GALNT17: variants seen among roughly 807,000 people sequenced by gnomAD.
The protein encoded by GALNT17 is polypeptide N-acetylgalactosaminyltransferase 17.
GALNT17 carries 29 observed loss-of-function variants against 63.7 expected under a neutral mutation model. The observed-to-expected ratio is 0.46, with a 90% confidence interval of 0.34 to 0.62. GALNT17 has a LOEUF of 0.62. Ranked by LOEUF, GALNT17 falls within the 20% of genes least tolerant of loss-of-function variation. The pLI is 0.01. For synonymous variants in GALNT17, 305 were observed against 318.3 expected, an observed-to-expected ratio of 0.96 and a Z score of 0.45; for missense variants, 603 against 799.6, an observed-to-expected ratio of 0.75 and a Z score of 2.97.
At chr7:71,330,021 A>G (rs1286649825) in intron 1 of GALNT17, among the ~76,000 whole-genome samples, 1 of 149,306 alleles carries the variant, frequency 6.7e-6, no homozygotes, top group Non-Finnish European at 1.5e-5. Flanking sequence ...ATATACATGT[A>G]TATATATTTG....
At chr7:71,418,614 A>AC (rs1563078018) in intron 4 of GALNT17, among the ~76,000 whole-genome samples, 1 of 152,194 alleles carries the variant, frequency 6.6e-6, no homozygotes, top group Non-Finnish European at 1.5e-5. Context: ...CATTTTGCTC[A>AC]CATCCCATTG....
intron 3 of GALNT17, among the ~76,000 whole-genome samples, chr7:71,410,842 G>C (rs572122270): frequency 2.6e-5 from 4 of 152,226 alleles, no homozygotes; most frequent in African/African-American, 9.6e-5. Context: ...GGCAGTGTTC[G>C]CTTCTCCCCC....
At chr7:71,153,950 AAAAT>A (rs200878758) in intron 1 of GALNT17, among the ~76,000 whole-genome samples, 9,812 of 138,734 alleles carry the variant, frequency 0.071, 435 homozygotes, top group Middle Eastern at 0.12. Context: ...AAAAAATAAA[AAAAT>A]AAAAATGTAT....
intron 5 of GALNT17, among the ~76,000 whole-genome samples, chr7:71,430,725 A>G (rs1170248210): frequency 6.6e-6 from 1 of 152,216 alleles, no homozygotes; most frequent in Non-Finnish European, 1.5e-5. Flanking sequence ...CCTTGGATAT[A>G]TAGTTGCCGG....
At chr7:71,613,489 A>T (rs562426925) in intron 6 of GALNT17, among the ~76,000 whole-genome samples, 1 of 152,312 alleles carries the variant, frequency 6.6e-6, no homozygotes, top group South Asian at 2.1e-4. Flanking sequence ...GTCACTCTGC[A>T]GACGTTTCAG....
intron 2 of GALNT17, among the ~76,000 whole-genome samples, chr7:71,371,709 A>G (rs1395077614): frequency 6.6e-6 from 1 of 152,216 alleles, no homozygotes; most frequent in South Asian, 2.1e-4. Flanking sequence ...TATTTTCCCT[A>G]TATTTATAAT....
At chr7:71,179,726 C>T (rs1230251050) in intron 1 of GALNT17, among the ~76,000 whole-genome samples, 1 of 152,094 alleles carries the variant, frequency 6.6e-6, no homozygotes, top group Non-Finnish European at 1.5e-5. Context: ...TCTTCTAGCC[C>T]CCAAGTTTTT....
At chr7:71,167,559 T>C (rs1389236441) in intron 1 of GALNT17, among the ~76,000 whole-genome samples, 1 of 152,246 alleles carries the variant, frequency 6.6e-6, no homozygotes, top group African/African-American at 2.4e-5. Context: ...TCTTATTCTC[T>C]TAATAGTGCC....
At chr7:71,433,032 A>T (rs1398262815) in intron 5 of GALNT17, among the ~76,000 whole-genome samples, 1 of 152,142 alleles carries the variant, frequency 6.6e-6, no homozygotes, top group East Asian at 1.9e-4. Flanking sequence ...GCTGGTCTCC[A>T]CACCTCAGGT....
intron 6 of GALNT17, among the ~76,000 whole-genome samples, chr7:71,620,213 G>C (rs1790270852): frequency 1.3e-5 from 2 of 152,124 alleles, no homozygotes; most frequent in African/African-American, 2.4e-5. Flanking sequence ...GAGGACTTTT[G>C]CGTCTGTGTT....
chr7:71,199,703 AT>A (rs879820050), intron 1 of GALNT17, among the ~76,000 whole-genome samples: 10,594 of 138,184 alleles, frequency 0.077, 774 homozygotes, highest in African/African-American at 0.2. Context: ...CCATCCATCC[AT>A]CCATCCATGT....
intron 5 of GALNT17, among the ~76,000 whole-genome samples, chr7:71,451,283 G>A (rs1787258929): frequency 1.3e-5 from 2 of 152,190 alleles, no homozygotes; most frequent in African/African-American, 4.8e-5. Flanking sequence ...TGGGTCTAAT[G>A]TCTTTCTGGA....
At chr7:71,186,376 A>C (rs2116326901) in intron 1 of GALNT17, among the ~76,000 whole-genome samples, 1 of 152,290 alleles carries the variant, frequency 6.6e-6, no homozygotes, top group South Asian at 2.1e-4. Context: ...TTAGTGTACA[A>C]GAGAGTGTGG....
rs542769381 is a variant in GALNT17 at position 71,366,741 on chromosome 7, C to T, written c.423-21494C>T. 4.9e-4 allele frequency among the ~76,000 whole-genome samples: 75 copies of T among 152,226 alleles called. No individual in the cohort carries two copies. In the Middle Eastern group the frequency reaches 0.01, roughly 21 times the overall value. On this transcript the variant is annotated intron_variant, in intron 2 of 10. Coordinates refer to ENST00000333538, the MANE Select transcript of GALNT17 (RefSeq NM_022479.3). Reference sequence around the variant, plus strand: ...CATTTTTAATCTTGAAAGATTCTGCCGACTTGCTCTCTAAAGGACTCTGCC... The same window carrying T: ...CATTTTTAATCTTGAAAGATTCTGCTGACTTGCTCTCTAAAGGACTCTGCC...
chr7:71,368,369 C>T (rs1198120278), intron 2 of GALNT17, among the ~76,000 whole-genome samples: 1 of 152,134 alleles, frequency 6.6e-6, no homozygotes, highest in African/African-American at 2.4e-5. Flanking sequence ...GTACATTGTA[C>T]ATTTTCTCTC....
intron 6 of GALNT17, among the ~76,000 whole-genome samples, chr7:71,647,120 A>C (rs956009947): frequency 6.6e-6 from 1 of 151,684 alleles, no homozygotes; most frequent in Non-Finnish European, 1.5e-5. Flanking sequence ...GCTGGAGTGC[A>C]GTGGTGCGAT....
Position 71,192,363 on chromosome 7 carries a change from A to G in GALNT17, c.238+59323A>G, listed in dbSNP as rs138372008. 1.8e-3 allele frequency among the ~76,000 whole-genome samples: 278 copies of G among 151,936 alleles called. 2 individuals carry two copies. Among genetic ancestry groups the G allele is most frequent in the African/African-American group, 6.2e-3 (256 of 41,416 alleles). On this transcript the variant is annotated intron_variant, in intron 1 of 10. Transcript: ENST00000333538. ...TTCAATCCAATTAAGTTGACACTCA[A>G]TACTAACCATCACAGGGCAAGTGTA...
At chr7:71,701,831 A>G (rs754657223) in intron 9 of GALNT17, among the ~76,000 whole-genome samples, 12,853 of 42,734 alleles carry the variant, frequency 0.3, 997 homozygotes, top group South Asian at 0.43. Flanking sequence ...ATATATACAC[A>G]TATATATATG....
intron 1 of GALNT17, among the ~76,000 whole-genome samples, chr7:71,295,325 G>T (rs1309847107): frequency 6.6e-6 from 1 of 152,024 alleles, no homozygotes; most frequent in African/African-American, 2.4e-5. Flanking sequence ...CTATTCCATT[G>T]CTTGCCCACC....
Sources: allele counts gnomAD v4.1 joint callset (sites outside exome capture counted in the v4.1 genomes callset), GRCh38; gene constraint gnomAD v4.1.1; transcripts MANE v1.5; gene names NCBI Gene and HGNC (gene_info 2026-07-23, HGNC 2026-07-21).